The following SSBP2 variants were observed in gnomAD, a reference collection of about 807,000 sequenced individuals.
The protein encoded by SSBP2 is single-stranded DNA-binding protein 2.
SSBP2 carries 17 observed loss-of-function variants against 61.8 expected under a neutral mutation model. The ratio of observed to expected loss-of-function variants is 0.28; its 90% CI spans 0.19 to 0.41. The LOEUF is 0.41. Ranked by LOEUF, SSBP2 falls within the 10% of genes least tolerant of loss-of-function variation. SSBP2 has a pLI of 1.00. For synonymous variants in SSBP2, 139 were observed against 141.3 expected (o/e 0.98, Z 0.12); for missense variants, 310 against 458.7 (o/e 0.68, Z 2.96).
At position 81,489,319 on chromosome 5, in the gene SSBP2, T is replaced by C; in HGVS notation, c.373-10A>G. On this transcript the variant is annotated splice_polypyrimidine_tract_variant and intron_variant, in intron 5 of 16. Transcript: ENST00000320672. ...GAGGTGACATAAAAGGCTATTGAAGTAAAACAAATAAACAAACAAAACAAA... is the reference window on the plus strand; with the variant it reads ...GAGGTGACATAAAAGGCTATTGAAGCAAAACAAATAAACAAACAAAACAAA... 2 of 1,596,096 alleles carry C rather than the reference T, an allele frequency of 1.3e-6. No individual in the cohort carries two copies. The highest frequency in any genetic ancestry group is 1.7e-6 in the Non-Finnish European group (2 of 1,174,892).
intron 1 of SSBP2, among the ~76,000 whole-genome samples, chr5:81,748,111 T>C (rs546496394): frequency 4.3e-4 from 65 of 152,308 alleles, no homozygotes; most frequent in Non-Finnish European, 7.4e-4. Flanking sequence ...AGGTAAGCAC[T>C]TGTCAACTAT....
rs891999993 is a variant in SSBP2, at chr5:81,419,487, C to T, written c.*1017G>A. On this transcript the variant is annotated 3_prime_UTR_variant, in exon 17 of 17. Coordinates refer to ENST00000320672, the MANE Select transcript of SSBP2 (RefSeq NM_012446.5). ...TGCTCACAAAAAGTCTGAATAAAAA[C>T]CAGATACCATTTCACATTAGTATGT... 1 of 152,172 alleles carries T rather than the reference C, an allele frequency of 6.6e-6. No homozygotes were observed. Among genetic ancestry groups the T allele is most frequent in the African/African-American group, 2.4e-5 (1 of 41,444 alleles). 9.4% of individuals were successfully genotyped at this position (152,172 alleles called of 1,614,324 possible). A position where few individuals can be genotyped will look rare whatever the true frequency, so the allele number is the denominator to read the frequency against.
intron 1 of SSBP2, among the ~76,000 whole-genome samples, chr5:81,655,094 G>A (rs757068721): frequency 3.0e-4 from 45 of 152,068 alleles, no homozygotes; most frequent in Non-Finnish European, 6.0e-4. Context: ...AGGCTGCAGT[G>A]AGCTATGATC....
At chr5:81,720,275 T>C (rs1184072178) in intron 1 of SSBP2, among the ~76,000 whole-genome samples, 2 of 152,152 alleles carry the variant, frequency 1.3e-5, no homozygotes, top group African/African-American at 2.4e-5. Flanking sequence ...ACCTCCACAC[T>C]GTGTCACCAC....
intron 4 of SSBP2, among the ~76,000 whole-genome samples, chr5:81,518,547 C>T (rs549590841): frequency 6.6e-6 from 1 of 152,098 alleles, no homozygotes; most frequent in Non-Finnish European, 1.5e-5. Context: ...GACTTTCCTG[C>T]CTCCAGAACT....
intron 5 of SSBP2, among the ~76,000 whole-genome samples, chr5:81,506,301 C>T (rs1439936758): frequency 1.3e-5 from 2 of 152,012 alleles, no homozygotes; most frequent in Non-Finnish European, 2.9e-5. Flanking sequence ...ACTTCCTCAC[C>T]TCCACTATCT....
At chr5:81,512,768 T>C (rs1768713417) in intron 5 of SSBP2, among the ~76,000 whole-genome samples, 1 of 152,160 alleles carries the variant, frequency 6.6e-6, no homozygotes, top group Non-Finnish European at 1.5e-5. Flanking sequence ...AACAAATGAT[T>C]ATGAAGAACT....
intron 4 of SSBP2, among the ~76,000 whole-genome samples, chr5:81,608,675 G>T (rs569486283): frequency 6.6e-6 from 1 of 152,116 alleles, no homozygotes; most frequent in Admixed American, 6.5e-5. Flanking sequence ...AAAAGTTTTT[G>T]AACTGTAATG....
intron 4 of SSBP2, among the ~76,000 whole-genome samples, chr5:81,581,509 T>G (rs1774645403): frequency 6.6e-6 from 1 of 152,288 alleles, no homozygotes; most frequent in South Asian, 2.1e-4. Context: ...AAAATTCCAT[T>G]TCAACCTTTT....
chr5:81,654,740 C>G (rs996149067), intron 1 of SSBP2, among the ~76,000 whole-genome samples: 1 of 152,204 alleles, frequency 6.6e-6, no homozygotes, highest in Non-Finnish European at 1.5e-5. Context: ...ACTGTTTGAA[C>G]ACAAATGATT....
At chr5:81,747,439 G>C (rs1757429512) in intron 1 of SSBP2, among the ~76,000 whole-genome samples, 1 of 151,940 alleles carries the variant, frequency 6.6e-6, no homozygotes, top group African/African-American at 2.4e-5. Context: ...AGATTTGTTG[G>C]GAGAATTAAG....
chr5:81,481,768 C>T (rs113360657), intron 6 of SSBP2, among the ~76,000 whole-genome samples: 1 of 151,426 alleles, frequency 6.6e-6, no homozygotes, highest in Non-Finnish European at 1.5e-5. Context: ...TGCATCAGAG[C>T]TCTTGGGTAT....
intron 6 of SSBP2, among the ~76,000 whole-genome samples, chr5:81,483,290 A>C (rs564466740): frequency 6.6e-6 from 1 of 152,302 alleles, no homozygotes; most frequent in South Asian, 2.1e-4. Flanking sequence ...GGTTGCCATA[A>C]AACTTTAATT....
intron 3 of SSBP2, among the ~76,000 whole-genome samples, chr5:81,627,484 A>G (rs1027687927): frequency 1.3e-5 from 2 of 152,140 alleles, no homozygotes; most frequent in Admixed American, 6.5e-5. Context: ...TAAATATTAT[A>G]CCATTCTAGT....
intron 1 of SSBP2, among the ~76,000 whole-genome samples, chr5:81,746,903 A>G (rs898252875): frequency 6.6e-6 from 1 of 151,526 alleles, no homozygotes; most frequent in African/African-American, 2.4e-5. Flanking sequence ...TGCAGGTGCC[A>G]GTTACTCTTT....
At chr5:81,576,586 G>A (rs1230742243) in intron 4 of SSBP2, among the ~76,000 whole-genome samples, 1 of 152,038 alleles carries the variant, frequency 6.6e-6, no homozygotes, top group African/African-American at 2.4e-5. Flanking sequence ...GCTCTTGACT[G>A]GGATGTAGGT....
chr5:81,443,028 C>G (rs917706739), intron 12 of SSBP2: 2 of 189,802 alleles, frequency 1.1e-5, no homozygotes, highest in Admixed American at 6.0e-5. Flanking sequence ...TCAAGCAATT[C>G]TATGTGTGTG....
intron 4 of SSBP2, among the ~76,000 whole-genome samples, chr5:81,550,242 G>A (rs1253125756): frequency 1.3e-5 from 2 of 152,038 alleles, no homozygotes; most frequent in African/African-American, 4.8e-5. Flanking sequence ...TACTATTGTT[G>A]TCTCTGATAT....
intron 4 of SSBP2, among the ~76,000 whole-genome samples, chr5:81,600,582 A>C (rs1744264929): frequency 6.9e-6 from 1 of 145,284 alleles, no homozygotes; most frequent in Non-Finnish European, 1.5e-5. Flanking sequence ...AAAAAAAAAC[A>C]AAAACCAGAA....
Sources: allele counts gnomAD v4.1 joint callset (sites outside exome capture counted in the v4.1 genomes callset), GRCh38; gene constraint gnomAD v4.1.1; transcripts MANE v1.5; gene names NCBI Gene and HGNC (gene_info 2026-07-23, HGNC 2026-07-21).